Variants in FGF13 observed in about 807,000 individuals in gnomAD.
FGF13 encodes fibroblast growth factor homologous factor 2.
Under a neutral mutation model 19.5 loss-of-function variants are expected in FGF13, and 2 were observed. The observed-to-expected ratio is 0.10, with a 90% CI of 0.04 to 0.32. FGF13 has a LOEUF of 0.32. Among genes scored for constraint, FGF13 ranks in the 10% least tolerant of loss-of-function variants. The pLI, the probability that FGF13 is intolerant of heterozygous loss-of-function variation, is 1.00. For synonymous variants in FGF13, 72 were observed against 76.9 expected (o/e 0.94, Z 0.33); for missense variants, 113 against 192.7 (o/e 0.59, Z 2.45).
At chrX:138,953,886 TA>T (rs201116693) in intron 1 of FGF13, among the ~76,000 whole-genome samples, 25 of 106,025 alleles carry the variant, frequency 2.4e-4, no homozygotes, top group South Asian at 1.2e-3. Context: ...CAACATGTGG[TA>T]AAAAAAAAAT....
intron 1 of FGF13, among the ~76,000 whole-genome samples, chrX:138,974,155 C>T (rs2091930563): frequency 8.9e-6 from 1 of 111,917 alleles, no homozygotes; most frequent in African/African-American, 3.3e-5. Flanking sequence ...TTATAAATTA[C>T]CCAGTCTGCA....
chrX:139,119,061 G>A (rs1569454963), intron 1 of FGF13, among the ~76,000 whole-genome samples: 1 of 111,087 alleles, frequency 9.0e-6, no homozygotes, highest in South Asian at 4.0e-4. Context: ...AATTAGCTGA[G>A]CATGCTGGCA....
chrX:138,799,431 G>A (rs932407829), intron 3 of FGF13, among the ~76,000 whole-genome samples: 3 of 111,892 alleles, frequency 2.7e-5, no homozygotes, highest in Non-Finnish European at 3.8e-5. Context: ...GAGACTGTTT[G>A]TTATGATTTC....
intron 1 of FGF13, among the ~76,000 whole-genome samples, chrX:138,959,250 C>G (rs752481621): frequency 8.9e-6 from 1 of 111,908 alleles, no homozygotes; most frequent in South Asian, 3.7e-4. Context: ...CGAAGCACAT[C>G]TTTATTTCTG....
intron 1 of FGF13, among the ~76,000 whole-genome samples, chrX:139,067,139 A>G (rs1482558992): frequency 8.9e-6 from 1 of 111,848 alleles, no homozygotes; most frequent in Non-Finnish European, 1.9e-5. Flanking sequence ...ATTGCAAAAT[A>G]ATAAGAGCTA....
chrX:139,059,774 G>C (rs188993727), intron 1 of FGF13, among the ~76,000 whole-genome samples: 42 of 112,270 alleles, frequency 3.7e-4, no homozygotes, highest in Admixed American at 9.4e-4. Context: ...TTTAAAACAT[G>C]CTGCTATTGA....
downstream of FGF13, among the ~76,000 whole-genome samples, chrX:138,855,180 G>A (rs1380697769): frequency 1.8e-5 from 2 of 111,508 alleles, no homozygotes; most frequent in African/African-American, 6.5e-5. Flanking sequence ...TTCGCCTCCT[G>A]GAAATGATGA....
chrX:138,858,650 G>A lies in FGF13; in HGVS notation c.-38-971C>T, dbSNP rs60897543. On this transcript the variant is annotated intron_variant, in intron 2 of 2. Coordinates refer to the FGF13 transcript ENST00000421460. ...TGCCTCCAAAGCTTTGATTAATGACGAGCTGACTCATTCTACTACCCGAAA... is the reference window on the plus strand; with the variant it reads ...TGCCTCCAAAGCTTTGATTAATGACAAGCTGACTCATTCTACTACCCGAAA... Among the ~76,000 whole-genome samples the A allele has an allele frequency of 8.6e-3, 952 of 110,932 alleles. 12 individuals carry two copies. Among genetic ancestry groups the A allele is most frequent in the African/African-American group, 0.029 (883 of 30,457 alleles).
chrX:139,050,576 C>A (rs188145277), intron 1 of FGF13, among the ~76,000 whole-genome samples: 1 of 112,061 alleles, frequency 8.9e-6, no homozygotes, highest in East Asian at 2.8e-4. Flanking sequence ...ATCACTAGTG[C>A]CACAAAGTTA....
At position 138,968,645 on chromosome X, in the gene FGF13, A is replaced by G. The variant is rs772993320; in HGVS notation, c.-112-103995T>C. 2.7e-5 allele frequency among the ~76,000 whole-genome samples: 3 copies of G among 112,275 alleles called. No individual in the cohort carries two copies. The East Asian group carries it at 8.4e-4, about 31-fold the overall frequency. ...GAGGGAGGGTTCTGACATGCAAATA[A>G]TGAGAAACAACAGCAAAGCAGAAGC... On this transcript the variant is annotated intron_variant, in intron 1 of 2. Transcript: ENST00000421460.
intron 1 of FGF13, among the ~76,000 whole-genome samples, chrX:139,131,489 A>G (rs1395105437): frequency 9.7e-6 from 1 of 102,635 alleles, no homozygotes; most frequent in Non-Finnish European, 1.9e-5. Context: ...TGGCTCACAC[A>G]CTTCGGGAGG....
chrX:139,133,513 A>G (rs1306487922), intron 1 of FGF13, among the ~76,000 whole-genome samples: 13 of 111,045 alleles, frequency 1.2e-4, no homozygotes, highest in African/African-American at 3.9e-4. Context: ...AACATAGCAA[A>G]GGAAGAAGAA....
At chrX:139,138,638 C>T (rs1363908336) in intron 1 of FGF13, among the ~76,000 whole-genome samples, 1 of 111,749 alleles carries the variant, frequency 8.9e-6, no homozygotes, top group Non-Finnish European at 1.9e-5. Context: ...ACAGCATAGA[C>T]TGGGTACAGA....
chrX:138,865,475 T>TCTCTC (rs2091317053), intron 1 of FGF13, among the ~76,000 whole-genome samples: 16 of 75,880 alleles, frequency 2.1e-4, no homozygotes, highest in African/African-American at 6.3e-4. Flanking sequence ...CTCTCTCTCC[T>TCTCTC]CTCTCTCTCT....
intron 1 of FGF13, among the ~76,000 whole-genome samples, chrX:138,946,343 C>T (rs183241787): frequency 9.1e-4 from 102 of 112,024 alleles, no homozygotes; most frequent in Non-Finnish European, 4.1e-4. Context: ...TCTCAATTGA[C>T]ATCCCACTGG....
intron 1 of FGF13, among the ~76,000 whole-genome samples, chrX:138,984,848 T>G: frequency 2.1e-5 from 1 of 48,355 alleles, no homozygotes; most frequent in African/African-American, 5.4e-5. Context: ...GTGTTTTAAT[T>G]TTTGTATTTT....
At chrX:138,989,094 T>G (rs906561412) in intron 1 of FGF13, among the ~76,000 whole-genome samples, 3 of 111,691 alleles carry the variant, frequency 2.7e-5, no homozygotes, top group Non-Finnish European at 3.8e-5. Context: ...TCTCTTATGC[T>G]AATGATATGT....
intron 1 of FGF13, among the ~76,000 whole-genome samples, chrX:139,141,530 A>T (rs1427552209): frequency 9.0e-6 from 1 of 111,574 alleles, no homozygotes; most frequent in Non-Finnish European, 1.9e-5. Flanking sequence ...AGCCCTGCTG[A>T]ATTTCTCTGT....
intron 1 of FGF13, among the ~76,000 whole-genome samples, chrX:138,717,827 T>C (rs1386262964): frequency 9.0e-6 from 1 of 111,270 alleles, no homozygotes; most frequent in Non-Finnish European, 1.9e-5. Context: ...CAGGCTTGTC[T>C]CTATCTATCT....
Sources: gnomAD v4.1 joint callset for allele counts (sites outside exome capture counted in the v4.1 genomes callset) on GRCh38, gnomAD v4.1.1 for gene constraint, MANE v1.5 for transcripts, NCBI Gene and HGNC (gene_info 2026-07-23, HGNC 2026-07-21) for gene names.